The following TRAPPC9 variants were observed in gnomAD, a reference collection of about 807,000 sequenced individuals.
TRAPPC9 encodes the protein IKK2 binding protein.
In TRAPPC9, 83 loss-of-function variants were observed where a neutral mutation model predicts 124.0. That is an observed-to-expected ratio of 0.67 (90% CI 0.56 to 0.80). The LOEUF is 0.80. Ranked by LOEUF, TRAPPC9 falls within the 30% of genes least tolerant of loss-of-function variation. TRAPPC9 has a pLI of 0.00. For missense variants in TRAPPC9, 1,302 were observed against 1,508.3 expected (o/e 0.86, Z 2.27); for synonymous variants, 638 against 617.5 (o/e 1.03, Z -0.49).
chr8:140,239,889 C>T (rs1223290311), intron 16 of TRAPPC9, among the ~76,000 whole-genome samples: 2 of 152,206 alleles, frequency 1.3e-5, no homozygotes, highest in Admixed American at 6.5e-5. Context: ...AAAAATAAGA[C>T]TACGAATTCC....
intron 18 of TRAPPC9, among the ~76,000 whole-genome samples, chr8:140,017,295 T>C (rs879305485): frequency 9.9e-5 from 15 of 152,196 alleles, no homozygotes; most frequent in Admixed American, 2.0e-4. Context: ...AAGAAAATAT[T>C]TGCCCCTAAA....
chr8:139,801,121 G>T (rs1044765346), intron 21 of TRAPPC9, among the ~76,000 whole-genome samples: 1 of 151,866 alleles, frequency 6.6e-6, no homozygotes, highest in Non-Finnish European at 1.5e-5. Flanking sequence ...CCTCCCTCCT[G>T]TATCTTCCCT....
At position 140,450,795 on chromosome 8, in the gene TRAPPC9, G is replaced by A. The variant is rs774386789; in HGVS notation, c.579C>T (p.Asp193=). 6.2e-7 allele frequency: 1 copy of A among 1,606,106 alleles called. No homozygotes were observed. The highest frequency in any genetic ancestry group is 8.5e-7 in the Non-Finnish European group (1 of 1,175,780). ...GGGTCTCTAGGTAAGCTTACCTGCTGTCTGTGTCCAGTCCTACAAAGTCCT... is the reference window on the plus strand; with the variant it reads ...GGGTCTCTAGGTAAGCTTACCTGCTATCTGTGTCCAGTCCTACAAAGTCCT... The part of the protein sequence containing the change: ...EKKDFVGLDT[D]SRHYKKRCQG... The change falls in exon 2 of 23, where the codon GAC becomes GAT. Residue 193 remains aspartate (D), a synonymous_variant. Coordinates refer to ENST00000438773, the MANE Select transcript of TRAPPC9 (RefSeq NM_001160372.4).
chr8:140,167,556 C>G (rs2061866293), intron 17 of TRAPPC9, among the ~76,000 whole-genome samples: 1 of 152,156 alleles, frequency 6.6e-6, no homozygotes, highest in African/African-American at 2.4e-5. Flanking sequence ...GAATGACTCT[C>G]AAGCCTATGT....
Position 140,111,177 on chromosome 8 carries a change from C to T in TRAPPC9, c.2557-87098G>A, listed in dbSNP as rs556724564. Reference sequence around the variant, plus strand: ...TGCCTGTTTCCTGTGGGGACCCTGACTGATACATCCATTAAAAGCCCCTTT... The same window carrying T: ...TGCCTGTTTCCTGTGGGGACCCTGATTGATACATCCATTAAAAGCCCCTTT... On this transcript the variant is annotated intron_variant, in intron 17 of 22. Coordinates refer to ENST00000438773, the MANE Select transcript of TRAPPC9 (RefSeq NM_001160372.4). Among the ~76,000 whole-genome samples, 6 of 151,534 alleles carry T rather than the reference C, an allele frequency of 4.0e-5. No homozygotes were observed. The South Asian group carries it at 1.3e-3, about 32-fold the overall frequency.
chr8:140,298,292 T>C (rs925717185), intron 11 of TRAPPC9, among the ~76,000 whole-genome samples: 43 of 152,162 alleles, frequency 2.8e-4, no homozygotes, highest in African/African-American at 2.4e-5. Context: ...GTTAATGAAG[T>C]TTATTATGAG....
chr8:139,795,655 A>G (rs1361465488), intron 21 of TRAPPC9, among the ~76,000 whole-genome samples: 1 of 152,180 alleles, frequency 6.6e-6, no homozygotes, highest in Non-Finnish European at 1.5e-5. Context: ...CATCCTTTTC[A>G]ATTATCTGAA....
intron 19 of TRAPPC9, among the ~76,000 whole-genome samples, chr8:139,943,851 T>C (rs919393567): frequency 6.6e-6 from 1 of 151,982 alleles, no homozygotes; most frequent in Non-Finnish European, 1.5e-5. Flanking sequence ...AGTCATCCAA[T>C]CTTAAGAAGA....
chr8:139,817,277 G>T (rs1824910369), intron 21 of TRAPPC9, among the ~76,000 whole-genome samples: 1 of 152,200 alleles, frequency 6.6e-6, no homozygotes, highest in Non-Finnish European at 1.5e-5. Context: ...GGTTCAGGCT[G>T]CAAATCTCAT....
intron 21 of TRAPPC9, among the ~76,000 whole-genome samples, chr8:139,831,675 C>A (rs575510239): frequency 2.0e-5 from 3 of 152,216 alleles, no homozygotes; most frequent in Non-Finnish European, 4.4e-5. Context: ...TCCACCCCAC[C>A]CCTCACTGAG....
At chr8:140,012,160 A>T (rs758402234) in intron 18 of TRAPPC9, among the ~76,000 whole-genome samples, 3 of 152,174 alleles carry the variant, frequency 2.0e-5, no homozygotes, top group African/African-American at 4.8e-5. Flanking sequence ...TAGAAGAAAG[A>T]AGTGGGGGGA....
intron 5 of TRAPPC9, among the ~76,000 whole-genome samples, chr8:140,419,366 T>C (rs2070087649): frequency 7.2e-6 from 1 of 138,588 alleles, no homozygotes; most frequent in Non-Finnish European, 1.5e-5. Context: ...GAGGTGGAGC[T>C]TGCAGTGAGC....
At chr8:140,412,704 T>C (rs2069750834) in intron 5 of TRAPPC9, among the ~76,000 whole-genome samples, 1 of 152,328 alleles carries the variant, frequency 6.6e-6, no homozygotes, top group East Asian at 1.9e-4. Flanking sequence ...GAATTATCTT[T>C]ACCACTCTTT....
chr8:139,943,152 C>T (rs1383506357), intron 19 of TRAPPC9, among the ~76,000 whole-genome samples: 9 of 152,164 alleles, frequency 5.9e-5, no homozygotes, highest in Admixed American at 2.6e-4. Context: ...CTGTAACTTC[C>T]GCCACCTGGG....
chr8:140,425,799 G>A (rs1387083330), intron 5 of TRAPPC9, among the ~76,000 whole-genome samples: 2 of 152,136 alleles, frequency 1.3e-5, no homozygotes. Flanking sequence ...CTTCTCATCA[G>A]CAACTCAGGT....
chr8:139,877,091 G>A (rs1290262017), intron 21 of TRAPPC9, among the ~76,000 whole-genome samples: 2 of 152,212 alleles, frequency 1.3e-5, no homozygotes, highest in Non-Finnish European at 2.9e-5. Context: ...AATGTGTACT[G>A]AAAATATCCA....
At chr8:140,031,143 G>A (rs1454165823) in intron 17 of TRAPPC9, among the ~76,000 whole-genome samples, 1 of 152,212 alleles carries the variant, frequency 6.6e-6, no homozygotes, top group African/African-American at 2.4e-5. Context: ...AAGAGCGAAT[G>A]TGAGGCCCTC....
intron 17 of TRAPPC9, among the ~76,000 whole-genome samples, chr8:140,159,760 C>T (rs903679241): frequency 4.6e-5 from 7 of 152,134 alleles, no homozygotes; most frequent in Admixed American, 3.9e-4. Flanking sequence ...TGGTGCAAAG[C>T]ACTGTTTCAT....
At chr8:139,945,543 C>CAAA (rs61528944) in intron 19 of TRAPPC9, among the ~76,000 whole-genome samples, 5 of 66,168 alleles carry the variant, frequency 7.6e-5, no homozygotes, top group Non-Finnish European at 9.9e-5. Context: ...GCACAATTAG[C>CAAA]AAAAAAAAAA....
Sources: gnomAD v4.1 joint callset for allele counts (sites outside exome capture counted in the v4.1 genomes callset) on GRCh38, gnomAD v4.1.1 for gene constraint, MANE v1.5 for transcripts, NCBI Gene and HGNC (gene_info 2026-07-23, HGNC 2026-07-21) for gene names.